MANEA: variants seen among roughly 807,000 people sequenced by gnomAD.
MANEA encodes the protein mannosidase endo-alpha.
In MANEA, 25 loss-of-function variants were observed where a neutral mutation model predicts 36.8. The ratio of observed to expected loss-of-function variants is 0.68; its 90% CI spans 0.50 to 0.95. The LOEUF (loss-of-function observed/expected upper bound fraction) is 0.95. Among genes scored for constraint, MANEA ranks in the 40% least tolerant of loss-of-function variants. The probability of loss-of-function intolerance (pLI) is 0.00; values close to 1 mark genes in which losing one functional copy is unlikely to be tolerated. For missense variants in MANEA, 565 were observed against 558.8 expected, an observed-to-expected ratio of 1.01 and a Z score of -0.11; for synonymous variants, 198 against 188.5, an observed-to-expected ratio of 1.05 and a Z score of -0.41.
At chr6:95,602,783 G>A (rs1175177464) in intron 3 of MANEA, among the ~76,000 whole-genome samples, 1 of 151,626 alleles carries the variant, frequency 6.6e-6, no homozygotes, top group East Asian at 1.9e-4. Flanking sequence ...CACTTTGGGA[G>A]GCCGAGGCGG....
intron 2 of MANEA, among the ~76,000 whole-genome samples, chr6:95,591,160 C>G (rs920091174): frequency 1.3e-5 from 2 of 152,128 alleles, no homozygotes; most frequent in African/African-American, 4.8e-5. Context: ...TACATTTATT[C>G]CATTTCTACT....
At chr6:95,579,626 TG>T (rs2127936579) in intron 1 of MANEA, among the ~76,000 whole-genome samples, 1 of 152,336 alleles carries the variant, frequency 6.6e-6, no homozygotes, top group East Asian at 1.9e-4. Flanking sequence ...TTTAGTTAAT[TG>T]AAAGGGAAGT....
chr6:95,582,225 C>T (rs145339497), intron 1 of MANEA, among the ~76,000 whole-genome samples: 108 of 142,570 alleles, frequency 7.6e-4, no homozygotes, highest in South Asian at 2.2e-4. Flanking sequence ...GCTCTGTCGC[C>T]GAGGCTGGAG....
chr6:95,585,513 C>T (rs1055778613), intron 1 of MANEA, among the ~76,000 whole-genome samples: 4 of 152,078 alleles, frequency 2.6e-5, no homozygotes, highest in African/African-American at 7.2e-5. Flanking sequence ...GGGGTCTCCC[C>T]GTGGTTGTCC....
Position 95,586,407 on chromosome 6 carries a change from C to A in MANEA, c.-33C>A. 1.3e-6 allele frequency: 2 copies of A among 1,531,260 alleles called. No individual in the cohort carries two copies. The highest frequency in any genetic ancestry group is 1.2e-5 in the South Asian group (1 of 82,420). 94.9% of individuals were successfully genotyped at this position (1,531,260 alleles called of 1,614,324 possible). A position where few individuals can be genotyped will look rare whatever the true frequency, so the allele number is the denominator to read the frequency against. On this transcript the variant is annotated 5_prime_UTR_variant, in exon 2 of 5. Coordinates refer to ENST00000358812, the MANE Select transcript of MANEA (RefSeq NM_024641.4). ...CTTTTTTCAATAAATTGCAGCAAAA[C>A]ACTTACTATTTTGGAGTTTAAAGTA...
Position 95,606,286 on chromosome 6 carries a change from T to C in MANEA, c.1270T>C (p.Tyr424His). The stretch of plus-strand genomic sequence containing the variant: ...TCCCAAAAGAACCAGTAATACAGTG[T>C]ACCTAGATTACCGTCCTCATAAACC... ...AVPKRTSNTV[Y>H]LDYRPHKPGL... The change falls in exon 5 of 5, where the codon TAC becomes CAC. Residue 424 changes from tyrosine to histidine, a missense_variant. Transcript: ENST00000358812. 6.2e-7 allele frequency: 1 copy of C among 1,613,030 alleles called. No homozygotes were observed. Among genetic ancestry groups the C allele is most frequent in the Non-Finnish European group, 8.5e-7 (1 of 1,179,750 alleles).
intron 1 of MANEA, among the ~76,000 whole-genome samples, chr6:95,578,862 C>G (rs949510161): frequency 6.6e-6 from 1 of 152,134 alleles, no homozygotes; most frequent in Non-Finnish European, 1.5e-5. Flanking sequence ...CATCTTGTGT[C>G]ACAAAAATAA....
At chr6:95,600,036 G>A (rs931002686) in intron 3 of MANEA, among the ~76,000 whole-genome samples, 6 of 152,172 alleles carry the variant, frequency 3.9e-5, no homozygotes, top group Non-Finnish European at 8.8e-5. Flanking sequence ...CAAGAAACTG[G>A]CTATTTTAGT....
intron 1 of MANEA, among the ~76,000 whole-genome samples, chr6:95,586,147 T>C (rs1582220745): frequency 6.6e-6 from 1 of 152,348 alleles, no homozygotes; most frequent in East Asian, 1.9e-4. Context: ...TTCGTCTGAC[T>C]AAACGTAATT....
At chr6:95,587,382 G>T in intron 2 of MANEA, 1 of 184,320 alleles carries the variant, frequency 5.4e-6, no homozygotes, top group East Asian at 1.7e-4. Flanking sequence ...AGCCCAAAAA[G>T]TCTCATCATA....
chr6:95,588,589 C>G (rs779250845), intron 2 of MANEA, among the ~76,000 whole-genome samples: 31 of 151,652 alleles, frequency 2.0e-4, no homozygotes, highest in Admixed American at 7.9e-4. Flanking sequence ...GATATTTTTT[C>G]TATTGTTTAC....
chr6:95,580,172 G>A (rs1166499420), intron 1 of MANEA, among the ~76,000 whole-genome samples: 1 of 151,980 alleles, frequency 6.6e-6, no homozygotes, highest in Non-Finnish European at 1.5e-5. Context: ...AACTTATCAA[G>A]TGTGTATACG....
chr6:95,603,026 CAAAAAAAA>C (rs67486139), intron 3 of MANEA, among the ~76,000 whole-genome samples: 13 of 63,404 alleles, frequency 2.1e-4, no homozygotes, highest in African/African-American at 7.8e-4. Context: ...GACTCCGTCT[CAAAAAAAA>C]AAAAAAAAAA....
At chr6:95,599,508 G>T (rs963628237) in intron 3 of MANEA, among the ~76,000 whole-genome samples, 5 of 151,736 alleles carry the variant, frequency 3.3e-5, no homozygotes, top group African/African-American at 1.2e-4. Flanking sequence ...CTTTTTATTT[G>T]CTCTGTAACT....
chr6:95,587,087 T>C (rs1374283894), intron 2 of MANEA, 104 bp downstream of exon 2: 1 of 729,646 alleles, frequency 1.4e-6, no homozygotes. Flanking sequence ...TTATTAATTA[T>C]ATTGTTAAGC....
rs1431238036 is a variant in MANEA at position 95,609,097 on chromosome 6, T to A, written c.*2692T>A. The A allele has an allele frequency of 1.3e-5, 2 of 151,832 alleles. No individual in the cohort carries two copies. Among genetic ancestry groups the A allele is most frequent in the Non-Finnish European group, 3.0e-5 (2 of 67,752 alleles). The allele number at this position is 151,832 out of a possible 1,614,324, so 9.4% of individuals were successfully genotyped here. The stretch of plus-strand genomic sequence containing the variant: ...ATTTTAGTTGTAACACAGTTTAAAT[T>A]GTTATGATAACAAGTAAATAAGAGC... On this transcript the variant is annotated 3_prime_UTR_variant, in exon 5 of 5. Coordinates refer to ENST00000358812, the MANE Select transcript of MANEA (RefSeq NM_024641.4).
chr6:95,586,681 T>A lies in MANEA; in HGVS notation c.242T>A (p.Ile81Asn), dbSNP rs763621711. ...ACCAAGAATTTAAAAAGTGTTGAAA[T>A]CACTATGAAACCTTCCAAAGCCTCT... ...TNTKNLKSVE[I>N]TMKPSKASEL... Residue 81 changes from isoleucine (I) to asparagine (N), a missense_variant, in exon 2 of 5, where the codon ATC (isoleucine) becomes AAC (asparagine). Physicochemically the swap from Ile to Asn is moderately radical, Grantham distance 149. Coordinates refer to ENST00000358812, the MANE Select transcript of MANEA (RefSeq NM_024641.4). 17 of 1,614,020 alleles carry A rather than the reference T, an allele frequency of 1.1e-5. No individual in the cohort carries two copies. The highest frequency in any genetic ancestry group is 1.4e-5 in the Non-Finnish European group (17 of 1,179,960).
At chr6:95,579,773 A>G (rs1209536799) in intron 1 of MANEA, among the ~76,000 whole-genome samples, 1 of 152,192 alleles carries the variant, frequency 6.6e-6, no homozygotes, top group Admixed American at 6.5e-5. Context: ...GACATCACTA[A>G]GCTTCAAGTC....
At position 95,606,343 on chromosome 6, in the gene MANEA, T is replaced by A. The variant is rs2127946412; in HGVS notation, c.1327T>A (p.Ser443Thr). 1 of 1,608,096 alleles carries A rather than the reference T, an allele frequency of 6.2e-7. No individual in the cohort carries two copies. Among genetic ancestry groups the A allele is most frequent in the East Asian group, 2.2e-5 (1 of 44,866 alleles). ...TTACCTAGAACTGACTCGCAAGTGG[T>A]CTGAAAAATACAGTAAGGAAAGAGC... ...GLYLELTRKW[S>T]EKYSKERATY... is the part of the protein sequence containing the mutation. Residue 443 changes from serine to threonine, a missense_variant, in exon 5 of 5, where the codon TCT (serine) becomes ACT (threonine). Ser to Thr is a moderately conservative substitution (Grantham distance 58, BLOSUM62 1). Transcript: ENST00000358812.
Sources: gnomAD v4.1 joint callset for allele counts (sites outside exome capture counted in the v4.1 genomes callset) on GRCh38, gnomAD v4.1.1 for gene constraint, MANE v1.5 for transcripts, NCBI Gene and HGNC (gene_info 2026-07-23, HGNC 2026-07-21) for gene names.